ANKRD18A: variants seen among roughly 807,000 people sequenced by gnomAD.
ANKRD18A encodes ankyrin repeat domain-containing protein 18A.
In ANKRD18A, 72 loss-of-function variants were observed where a neutral mutation model predicts 110.6. The ratio of observed to expected loss-of-function variants is 0.65; its 90% CI spans 0.54 to 0.79. The LOEUF is 0.79. Ranked by LOEUF, ANKRD18A falls within the 30% of genes least tolerant of loss-of-function variation. The pLI is 0.00. For synonymous variants in ANKRD18A, 305 were observed against 410.3 expected, an observed-to-expected ratio of 0.74 and a Z score of 3.10; for missense variants, 934 against 1,163.3, an observed-to-expected ratio of 0.80 and a Z score of 2.87.
chr9:38,608,846 G>A (rs944595360), intron 5 of ANKRD18A, among the ~76,000 whole-genome samples: 1 of 151,600 alleles, frequency 6.6e-6, no homozygotes, highest in African/African-American at 2.4e-5. Context: ...TCTATTGAAG[G>A]ATAATGTACA....
At chr9:38,619,663 A>T (rs1452771179) in intron 1 of ANKRD18A, among the ~76,000 whole-genome samples, 2 of 152,152 alleles carry the variant, frequency 1.3e-5, no homozygotes, top group Non-Finnish European at 2.9e-5. Context: ...CATTCAAGGA[A>T]CCCACCTCGC....
intron 7 of ANKRD18A, among the ~76,000 whole-genome samples, chr9:38,602,907 A>G (rs1825184129): frequency 6.6e-6 from 1 of 152,160 alleles, no homozygotes; most frequent in African/African-American, 2.4e-5. Context: ...GCCTCAAGGG[A>G]TGCTTCTATC....
At chr9:38,581,683 G>T (rs985866050) in intron 12 of ANKRD18A, among the ~76,000 whole-genome samples, 1 of 152,004 alleles carries the variant, frequency 6.6e-6, no homozygotes, top group African/African-American at 2.4e-5. Flanking sequence ...CTTACTTCAC[G>T]TTTGTTTGCA....
rs1824369500 is a variant in ANKRD18A at position 38,586,112 on chromosome 9, A to G, written c.2247+71T>C. The G allele has an allele frequency of 3.6e-6, 5 of 1,380,662 alleles. No individual in the cohort carries two copies. The East Asian group carries it at 7.6e-5, about 21-fold the overall frequency. The allele number at this position is 1,380,662 out of a possible 1,614,324, so 85.5% of individuals were successfully genotyped here. On this transcript the variant is annotated intron_variant, in intron 12 of 15. Transcript: ENST00000399703. ...AAACCATCATGGCACACATTTACCT[A>G]TGTAACAAACCTGTACCTCTTACAC...
Position 38,575,490 on chromosome 9 carries a change from T to A in ANKRD18A, c.2950A>T (p.Asn984Tyr). The A allele has an allele frequency of 6.4e-7, 1 of 1,551,308 alleles. No homozygotes were observed. Among genetic ancestry groups the A allele is most frequent in the Non-Finnish European group, 8.7e-7 (1 of 1,146,758 alleles). Residue 984 changes from asparagine (N) to tyrosine (Y), a missense_variant, in exon 15 of 16, where the codon AAC (asparagine) becomes TAC (tyrosine). Asn to Tyr is a moderately radical substitution (Grantham distance 143). Around this residue, in one of 4 missense-constraint regions of ANKRD18A, gnomAD observed 223 missense variants for 226.7 expected, o/e 0.98. Coordinates refer to ENST00000399703, the MANE Select transcript of ANKRD18A (RefSeq NM_147195.4). ...SNPQTSNNCK[N>Y]FLTEVLLC ...ATATAACTAACCTCAGTCAAGAAGT[T>A]CTTGCAGTTATTTGAAGTCTGTGGG...
intron 10 of ANKRD18A, among the ~76,000 whole-genome samples, chr9:38,589,754 G>T (rs1824556801): frequency 6.6e-6 from 1 of 152,120 alleles, no homozygotes; most frequent in Non-Finnish European, 1.5e-5. Context: ...TGCTGGTATT[G>T]AACTCCTTAC....
intron 12 of ANKRD18A, among the ~76,000 whole-genome samples, chr9:38,582,307 C>T (rs1466849151): frequency 2.6e-5 from 4 of 152,126 alleles, no homozygotes; most frequent in Admixed American, 6.5e-5. Context: ...TAGTGTGTCT[C>T]GTAAGCCTGA....
At chr9:38,571,019 A>C, downstream of ANKRD18A, 1 of 1,266,086 alleles carries the variant, frequency 7.9e-7, no homozygotes, top group Non-Finnish European at 1.0e-6. Flanking sequence ...GACACAGCAC[A>C]GAGACTGCAG....
In ANKRD18A at chr9:38,607,249, G is replaced by C. The variant is rs1243470193; in HGVS notation, c.808+177C>G. ...TTTTTGTATTTTTAGTAGACATGGGGTTTCACCATGTTAGCCAGGCTGGTC... is the reference window on the plus strand; with the variant it reads ...TTTTTGTATTTTTAGTAGACATGGGCTTTCACCATGTTAGCCAGGCTGGTC... On this transcript the variant is annotated intron_variant, in intron 6 of 15. Transcript: ENST00000399703. 2.0e-5 allele frequency among the ~76,000 whole-genome samples: 3 copies of C among 152,206 alleles called. No homozygotes were observed. The East Asian group carries it at 5.8e-4, about 29-fold the overall frequency.
downstream of ANKRD18A, among the ~76,000 whole-genome samples, chr9:38,570,910 C>G (rs1403642725): frequency 6.6e-6 from 1 of 152,230 alleles, no homozygotes; most frequent in East Asian, 1.9e-4. Flanking sequence ...TTCCCTATTC[C>G]TGAGTGTCAG....
At chr9:38,572,089 T>C (rs762668173) in intron 15 of ANKRD18A, 30 bp from the exon 16 acceptor site, 3 of 1,515,070 alleles carry the variant, frequency 2.0e-6, no homozygotes, top group Non-Finnish European at 2.7e-6. Context: ...ATTATGTTCT[T>C]TACCTAAAAC....
downstream of ANKRD18A, among the ~76,000 whole-genome samples, chr9:38,569,601 G>A (rs2890811): frequency 0.18 from 27,724 of 152,048 alleles, 3,307 homozygotes; most frequent in East Asian, 0.44. Context: ...GCCCAGAGTC[G>A]GTGTCCTCTA....
At chr9:38,618,055 C>T (rs1165244143) in intron 1 of ANKRD18A, among the ~76,000 whole-genome samples, 1 of 152,012 alleles carries the variant, frequency 6.6e-6, no homozygotes, top group Non-Finnish European at 1.5e-5. Flanking sequence ...TCTGCAAGCA[C>T]AGATAAAAAG....
chr9:38,573,430 A>T (rs1823739047), intron 15 of ANKRD18A, among the ~76,000 whole-genome samples: 4 of 152,202 alleles, frequency 2.6e-5, no homozygotes, highest in Admixed American at 2.6e-4. Flanking sequence ...CAAAGGTTAA[A>T]CAATGGCCGG....
chr9:38,596,187 C>A lies in ANKRD18A; in HGVS notation c.1153G>T (p.Ala385Ser), dbSNP rs568113286. The A allele has an allele frequency of 4.4e-5, 68 of 1,540,670 alleles. No individual in the cohort carries two copies. In the African/African-American group the frequency reaches 7.0e-4, roughly 16 times the overall value. ...LNEKMITKTVARYSQQLNDLK... is the reference protein window; with the variant it reads ...LNEKMITKTVSRYSQQLNDLK... ...TCATTAAGCTGTTGCGAATACCGGG[C>A]CACTGTTTTTGTTATCATTTTTTCA... Residue 385 changes from alanine to serine, a missense_variant, in exon 9 of 16, where the codon GCC becomes TCC. Coordinates refer to ENST00000399703, the MANE Select transcript of ANKRD18A (RefSeq NM_147195.4).
downstream of ANKRD18A, among the ~76,000 whole-genome samples, chr9:38,569,593 C>T (rs1194221538): frequency 6.6e-6 from 1 of 152,164 alleles, no homozygotes; most frequent in Non-Finnish European, 1.5e-5. Context: ...TCAAGAGGGC[C>T]CAGAGTCGGT....
At chr9:38,598,195 G>A (rs1484919692) in intron 8 of ANKRD18A, among the ~76,000 whole-genome samples, 2 of 152,044 alleles carry the variant, frequency 1.3e-5, no homozygotes, top group Non-Finnish European at 2.9e-5. Context: ...ATCTTTAAAT[G>A]AATACAGAAA....
At position 38,596,271 on chromosome 9, in the gene ANKRD18A, G is replaced by T; in HGVS notation, c.1069C>A (p.Gln357Lys). 2 of 1,538,644 alleles carry T rather than the reference G, an allele frequency of 1.3e-6. No homozygotes were observed. The highest frequency in any genetic ancestry group is 1.7e-6 in the Non-Finnish European group (2 of 1,143,060). Residue 357 changes from glutamine to lysine, a missense_variant, in exon 9 of 16, where the codon CAG (glutamine) becomes AAG (lysine). Physicochemically the swap from Gln to Lys is moderately conservative, Grantham distance 53 (BLOSUM62 1). This residue lies in a region of ANKRD18A where 630 missense variants were observed against 797.5 expected (regional missense o/e 0.79). Coordinates refer to ENST00000399703, the MANE Select transcript of ANKRD18A (RefSeq NM_147195.4). Reference sequence around the variant, plus strand: ...ATTTCTGTAATGCTTTTAATTTCCTGAATATATTTCTTTTCCTTTCTGAGA... The same window carrying T: ...ATTTCTGTAATGCTTTTAATTTCCTTAATATATTTCTTTTCCTTTCTGAGA... ...DSLRKEKKYI[Q>K]EIKSITEINA...
Position 38,577,072 on chromosome 9 carries a change from T to C in ANKRD18A, c.2722A>G (p.Met908Val), listed in dbSNP as rs1347453458. The C allele has an allele frequency of 6.5e-7, 1 of 1,547,094 alleles. No individual in the cohort carries two copies. Among genetic ancestry groups the C allele is most frequent in the Admixed American group, 2.0e-5 (1 of 50,264 alleles). The change falls in exon 14 of 16, where the codon ATG becomes GTG. Residue 908 changes from methionine (M) to valine (V), a missense_variant. This residue lies in a region of ANKRD18A where 223 missense variants were observed against 226.7 expected (regional missense o/e 0.98). Coordinates refer to ENST00000399703, the MANE Select transcript of ANKRD18A (RefSeq NM_147195.4). ...ACTTACTTCATTAATTTTTTTGACATGGAATTGTTAGCTTTCACTGCTCCT... is the reference window on the plus strand; with the variant it reads ...ACTTACTTCATTAATTTTTTTGACACGGAATTGTTAGCTTTCACTGCTCCT... The part of the protein sequence containing the change: ...FAGAVKANNS[M>V]SKKLMKSDKK...
Sources: gnomAD v4.1 joint callset for allele counts (sites outside exome capture counted in the v4.1 genomes callset) on GRCh38, gnomAD v4.1.1 for gene constraint, gnomAD v4.1.1 regional missense constraint, MANE v1.5 for transcripts, NCBI Gene and HGNC (gene_info 2026-07-23, HGNC 2026-07-21) for gene names.